Variants in SV2B observed in about 807,000 individuals in gnomAD.
SV2B encodes the protein solute carrier family 22 member B2.
In SV2B, 41 loss-of-function variants were observed where a neutral mutation model predicts 73.9. The ratio of observed to expected loss-of-function variants is 0.56; its 90% confidence interval spans 0.43 to 0.72. The LOEUF is 0.72. SV2B is among the 30% of genes least tolerant of loss of function. The pLI, the probability that SV2B is intolerant of heterozygous loss-of-function variation, is 0.00. For missense variants in SV2B, 764 were observed against 857.8 expected (o/e 0.89, Z 1.37); for synonymous variants, 314 against 314.2 (o/e 1.00, Z 0.01).
In SV2B at chr15:91,105,491, C is replaced by T. The variant is rs531829121; in HGVS notation, c.-392+5128C>T. Reference sequence around the variant, plus strand: ...AAGGAACTGAACGAGACAGGGTGAGCGTGGGAGAAGAGATCAGAGAAGTAG... The same window carrying T: ...AAGGAACTGAACGAGACAGGGTGAGTGTGGGAGAAGAGATCAGAGAAGTAG... On this transcript the variant is annotated intron_variant, in intron 1 of 12. Coordinates refer to ENST00000394232, the MANE Select transcript of SV2B (RefSeq NM_001323032.3). The surrounding 1 kb of genome is among the most constrained non-coding windows in gnomAD (Gnocchi z 5.5). Among the ~76,000 whole-genome samples, 10 of 152,198 alleles carry T rather than the reference C, an allele frequency of 6.6e-5. No individual in the cohort carries two copies. Among genetic ancestry groups the T allele is most frequent in the Admixed American group, 2.0e-4 (3 of 15,282 alleles).
chr15:91,263,537 C>T (rs1471908834), intron 6 of SV2B, among the ~76,000 whole-genome samples: 2 of 151,910 alleles, frequency 1.3e-5, no homozygotes, highest in African/African-American at 2.4e-5. Context: ...CACAGACACA[C>T]ATTAAGACAG....
chr15:91,281,656 G>A lies in SV2B; in HGVS notation c.1374-72G>A, dbSNP rs1227373129. The A allele has an allele frequency of 6.6e-7, 1 of 1,503,878 alleles. No homozygotes were observed. The highest frequency in any genetic ancestry group is 2.0e-5 in the Admixed American group (1 of 51,046). 93.2% of individuals were successfully genotyped at this position (1,503,878 alleles called of 1,614,324 possible). A position where few individuals can be genotyped will look rare whatever the true frequency, so the allele number is the denominator to read the frequency against. Reference sequence around the variant, plus strand: ...GCACATCTCCTTTTTCTGCCTTGCTGTGTTTTCCATTTTGGTCTTAAGTCT... The same window carrying A: ...GCACATCTCCTTTTTCTGCCTTGCTATGTTTTCCATTTTGGTCTTAAGTCT... On this transcript the variant is annotated intron_variant, in intron 9 of 12. Coordinates refer to ENST00000394232, the MANE Select transcript of SV2B (RefSeq NM_001323032.3). This position sits in a 1 kb window ranked among gnomAD's most constrained non-coding sequence, Gnocchi z 4.7.
rs528815776 is a variant in SV2B at position 91,198,862 on chromosome 15, C to T, written c.-391-27011C>T. Among the ~76,000 whole-genome samples the T allele has an allele frequency of 2.7e-4, 41 of 152,338 alleles. No individual in the cohort carries two copies. The East Asian group carries it at 7.5e-3, about 28-fold the overall frequency. The stretch of plus-strand genomic sequence containing the variant: ...GATCTGGGGGCAGGGCCGTAAACAA[C>T]AGCAACTCTGGGCTTCTAGGAGATG... On this transcript the variant is annotated intron_variant, in intron 1 of 12. Transcript: ENST00000394232.
At chr15:91,186,413 A>G (rs889400496) in intron 1 of SV2B, among the ~76,000 whole-genome samples, 4 of 152,248 alleles carry the variant, frequency 2.6e-5, no homozygotes, top group African/African-American at 9.6e-5. Context: ...ACATGGAGTG[A>G]GACAAAGCTA....
At chr15:91,153,596 C>T (rs1567295970) in intron 1 of SV2B, among the ~76,000 whole-genome samples, 1 of 152,162 alleles carries the variant, frequency 6.6e-6, no homozygotes, top group Non-Finnish European at 1.5e-5. Flanking sequence ...CAGTTTTCCA[C>T]AGCTCTGAGC....
At position 91,197,087 on chromosome 15, in the gene SV2B, A is replaced by G. The variant is rs1192349043; in HGVS notation, c.-391-28786A>G. ...CCCATAGATGCTGATCTTTGATGTC[A>G]GAAAGACCTGTCTGCCCTGTTTCAG... On this transcript the variant is annotated intron_variant, in intron 1 of 12. Coordinates refer to ENST00000394232, the MANE Select transcript of SV2B (RefSeq NM_001323032.3). The surrounding 1 kb of genome is among the most constrained non-coding windows in gnomAD (Gnocchi z 4.9). Among the ~76,000 whole-genome samples, 4 of 152,248 alleles carry G rather than the reference A, an allele frequency of 2.6e-5. No individual in the cohort carries two copies. Among genetic ancestry groups the G allele is most frequent in the African/African-American group, 7.2e-5 (3 of 41,462 alleles).
rs2046629732 is a variant in SV2B, at chr15:91,232,797, G to A, written c.451+6083G>A. 6.6e-6 allele frequency among the ~76,000 whole-genome samples: 1 copy of A among 152,142 alleles called. No individual in the cohort carries two copies. On this transcript the variant is annotated intron_variant, in intron 2 of 12. Coordinates refer to ENST00000394232, the MANE Select transcript of SV2B (RefSeq NM_001323032.3). This position sits in a 1 kb window ranked among gnomAD's most constrained non-coding sequence, Gnocchi z 4.7. The stretch of plus-strand genomic sequence containing the variant: ...CATAGATATATTGTATGATGCTGAG[G>A]TTTGGGATACAAATGATCCCATCAC...
chr15:91,283,969 C>T lies in SV2B; in HGVS notation c.1508-52C>T. On this transcript the variant is annotated intron_variant, in intron 10 of 12. Transcript: ENST00000394232. The surrounding 1 kb of genome is among the most constrained non-coding windows in gnomAD (Gnocchi z 4.3). ...ACTTCATCCCTGCCTCTGCCTTTCT[C>T]TCTCCAGCTCCCTTCCACTTACATG... The T allele has an allele frequency of 1.3e-6, 2 of 1,594,438 alleles. No individual in the cohort carries two copies. Among genetic ancestry groups the T allele is most frequent in the Non-Finnish European group, 8.6e-7 (1 of 1,163,442 alleles).
At chr15:91,167,540 C>T (rs905199661) in intron 1 of SV2B, among the ~76,000 whole-genome samples, 1 of 152,158 alleles carries the variant, frequency 6.6e-6, no homozygotes, top group East Asian at 1.9e-4. Context: ...CAAAACACAT[C>T]ACTTCAACCT....
At chr15:91,191,629 C>T (rs1221224073) in intron 1 of SV2B, among the ~76,000 whole-genome samples, 2 of 152,144 alleles carry the variant, frequency 1.3e-5, no homozygotes, top group African/African-American at 2.4e-5. Context: ...GTCTCTCTCC[C>T]CTACTGCGGT....
chr15:91,285,963 G>A (rs1363105864), intron 11 of SV2B, among the ~76,000 whole-genome samples: 2 of 152,154 alleles, frequency 1.3e-5, no homozygotes, highest in Non-Finnish European at 2.9e-5. Flanking sequence ...TCGTATCATC[G>A]TGAATACATC....
At chr15:91,226,767 T>G (rs758802080) in intron 2 of SV2B, 53 bp downstream of exon 2, 3 of 1,561,552 alleles carry the variant, frequency 1.9e-6, no homozygotes, top group Non-Finnish European at 2.6e-6. Flanking sequence ...AGAAGTAAAA[T>G]TTATCTAGTA....
intron 2 of SV2B, 24 bp from the exon 3 acceptor site, chr15:91,251,795 C>A: frequency 6.2e-7 from 1 of 1,610,378 alleles, no homozygotes; most frequent in Non-Finnish European, 8.5e-7. Context: ...TCTCTATTCT[C>A]TCCTCTCCTC....
At chr15:91,226,917 A>T (rs112015287) in intron 2 of SV2B, among the ~76,000 whole-genome samples, 1 of 152,174 alleles carries the variant, frequency 6.6e-6, no homozygotes, top group Non-Finnish European at 1.5e-5. Context: ...ATTGAGGTCT[A>T]TCTGACTTCT....
intron 1 of SV2B, among the ~76,000 whole-genome samples, chr15:91,147,964 A>ATTTT (rs2043194274): frequency 1.7e-5 from 1 of 57,602 alleles, no homozygotes. Flanking sequence ...ACCCCCCCCA[A>ATTTT]CTTTTTTTTT....
At chr15:91,112,682 T>G (rs1405195042) in intron 1 of SV2B, among the ~76,000 whole-genome samples, 1 of 152,222 alleles carries the variant, frequency 6.6e-6, no homozygotes, top group African/African-American at 2.4e-5. Context: ...ACTCACTGAT[T>G]AGGGGATTTT....
chr15:91,259,848 G>A (rs914886734), intron 5 of SV2B, among the ~76,000 whole-genome samples: 9 of 152,080 alleles, frequency 5.9e-5, no homozygotes, highest in East Asian at 1.9e-4. Context: ...CCAGAATGTC[G>A]TAATCTTAAT....
Position 91,141,510 on chromosome 15 carries a change from T to C in SV2B, c.-392+41147T>C, listed in dbSNP as rs551865965. Among the ~76,000 whole-genome samples the C allele has an allele frequency of 6.6e-6, 1 of 152,324 alleles. No homozygotes were observed. Among genetic ancestry groups the C allele is most frequent in the Admixed American group, 6.5e-5 (1 of 15,300 alleles). On this transcript the variant is annotated intron_variant, in intron 1 of 12. Coordinates refer to ENST00000394232, the MANE Select transcript of SV2B (RefSeq NM_001323032.3). This position sits in a 1 kb window ranked among gnomAD's most constrained non-coding sequence, Gnocchi z 4.6. ...AGGGCCAGCTCTGCCACTTACCATCTGTGAGACTTTCAGCGAGTTACCAAA... is the reference window on the plus strand; with the variant it reads ...AGGGCCAGCTCTGCCACTTACCATCCGTGAGACTTTCAGCGAGTTACCAAA...
At chr15:91,191,583 C>T (rs1019375451) in intron 1 of SV2B, among the ~76,000 whole-genome samples, 4 of 152,150 alleles carry the variant, frequency 2.6e-5, no homozygotes, top group Non-Finnish European at 4.4e-5. Context: ...CAAGGTGTCT[C>T]GCTGCTTTTG....
Sources: gnomAD v4.1 joint callset for allele counts (sites outside exome capture counted in the v4.1 genomes callset) on GRCh38, gnomAD v4.1.1 for gene constraint, Gnocchi (gnomAD v3.1) non-coding constraint, MANE v1.5 for transcripts, NCBI Gene and HGNC (gene_info 2026-07-23, HGNC 2026-07-21) for gene names.